Variants in TRAF2 observed in about 807,000 individuals in gnomAD.
The protein encoded by TRAF2 is TNF receptor-associated factor 2.
A neutral mutation model predicts 55.6 loss-of-function variants in TRAF2; 6 were observed. The observed-to-expected ratio is 0.11, with a 90% CI of 0.06 to 0.21. The LOEUF (loss-of-function observed/expected upper bound fraction) is 0.21. TRAF2 is among the 10% of genes least tolerant of loss of function. The probability of loss-of-function intolerance (pLI) is 1.00; values close to 1 mark genes in which losing one functional copy is unlikely to be tolerated. For synonymous variants in TRAF2, 329 were observed against 276.3 expected (o/e 1.19, Z -1.89); for missense variants, 561 against 684.5 (o/e 0.82, Z 2.01).
rs1849753195 is a variant in TRAF2 at position 136,899,036 on chromosome 9, T to C, written c.188+108T>C. 4 of 1,117,168 alleles carry C rather than the reference T, an allele frequency of 3.6e-6. No individual in the cohort carries two copies. In the African/African-American group the frequency reaches 4.7e-5, roughly 13 times the overall value. The allele number at this position is 1,117,168 out of a possible 1,614,324, so 69.2% of individuals were successfully genotyped here. A position where few individuals can be genotyped will look rare whatever the true frequency, so the allele number is the denominator to read the frequency against. The stretch of plus-strand genomic sequence containing the variant: ...AGCAGAGCCGGGTCCAGCTTAGATG[T>C]GCTCCAGTTATCGATACTCCCTGGA... On this transcript the variant is annotated intron_variant, in intron 2 of 10. Coordinates refer to ENST00000247668, the MANE Select transcript of TRAF2 (RefSeq NM_021138.4).
chr9:136,896,125 T>C (rs1008023950), intron 1 of TRAF2, among the ~76,000 whole-genome samples: 1 of 152,164 alleles, frequency 6.6e-6, no homozygotes, highest in African/African-American at 2.4e-5. Context: ...CCTCTCTAGC[T>C]GTCCCCAGTT....
chr9:136,894,360 T>C (rs955643277), intron 1 of TRAF2, among the ~76,000 whole-genome samples: 2 of 151,524 alleles, frequency 1.3e-5, no homozygotes, highest in African/African-American at 4.9e-5. Context: ...TGGCCCTTTT[T>C]CAGGGGTTTA....
chr9:136,900,608 C>T (rs1849797466), intron 4 of TRAF2, 88 bp downstream of exon 4: 2 of 1,057,536 alleles, frequency 1.9e-6, no homozygotes, highest in South Asian at 2.6e-5. Flanking sequence ...CCTTGTCCTG[C>T]ACGTTCCTCT....
upstream of TRAF2, among the ~76,000 whole-genome samples, chr9:136,884,534 T>C (rs181980398): frequency 0.017 from 2,566 of 149,508 alleles, 38 homozygotes; most frequent in Non-Finnish European, 0.026. Context: ...CACTCCAGCC[T>C]GGGTGACAGA....
chr9:136,889,026 A>G (rs1215196074), intron 1 of TRAF2, among the ~76,000 whole-genome samples: 1 of 151,268 alleles, frequency 6.6e-6, no homozygotes, highest in Non-Finnish European at 1.5e-5. Context: ...CACCACGCCC[A>G]GCTAATTTTT....
At chr9:136,905,664 T>G (rs569514874) in intron 4 of TRAF2, among the ~76,000 whole-genome samples, 1 of 152,218 alleles carries the variant, frequency 6.6e-6, no homozygotes, top group Non-Finnish European at 1.5e-5. Flanking sequence ...TCCATTCCCT[T>G]TCTCTGTTCC....
chr9:136,897,515 A>G (rs1392165982), intron 1 of TRAF2, among the ~76,000 whole-genome samples: 1 of 133,018 alleles, frequency 7.5e-6, no homozygotes, highest in Non-Finnish European at 1.6e-5. Flanking sequence ...TTCCTGCTCT[A>G]GGGGCTGGAG....
chr9:136,926,209 A>T lies in TRAF2; in HGVS notation c.*308A>T. On this transcript the variant is annotated 3_prime_UTR_variant, in exon 11 of 11. Coordinates refer to ENST00000247668, the MANE Select transcript of TRAF2 (RefSeq NM_021138.4). ...TTGCTGTCCTGTGCAGTGAAGGGAGAGGCCCTGGGTGGGGGACACTCAGAG... is the reference window on the plus strand; with the variant it reads ...TTGCTGTCCTGTGCAGTGAAGGGAGTGGCCCTGGGTGGGGGACACTCAGAG... The T allele has an allele frequency of 2.0e-6, 1 of 503,490 alleles. No individual in the cohort carries two copies. The highest frequency in any genetic ancestry group is 2.7e-5 in the Admixed American group (1 of 37,384). 31.2% of individuals were successfully genotyped at this position (503,490 alleles called of 1,614,324 possible).
upstream of TRAF2, among the ~76,000 whole-genome samples, chr9:136,882,247 C>A (rs984777468): frequency 1.3e-5 from 2 of 152,152 alleles, no homozygotes; most frequent in Non-Finnish European, 2.9e-5. Context: ...CTGCTGGGCA[C>A]AGAGGGCAGA....
At chr9:136,903,223 T>C (rs17243893) in intron 4 of TRAF2, among the ~76,000 whole-genome samples, 9,099 of 152,312 alleles carry the variant, frequency 0.06, 332 homozygotes, top group Middle Eastern at 0.15. Flanking sequence ...AGTGCTGAGA[T>C]TCCTGGCATA....
chr9:136,896,902 TC>T (rs1849692387), intron 1 of TRAF2, among the ~76,000 whole-genome samples: 1 of 152,136 alleles, frequency 6.6e-6, no homozygotes, highest in Non-Finnish European at 1.5e-5. Flanking sequence ...GAGTTGTAGT[TC>T]GTTGAGAGGG....
intron 1 of TRAF2, among the ~76,000 whole-genome samples, chr9:136,894,346 G>A (rs529551600): frequency 6.6e-6 from 1 of 151,740 alleles, no homozygotes; most frequent in Non-Finnish European, 1.5e-5. Flanking sequence ...CACCTGGCTG[G>A]TAGTGGCCCT....
intron 1 of TRAF2, among the ~76,000 whole-genome samples, chr9:136,888,441 G>T (rs1209337860): frequency 6.6e-6 from 1 of 152,054 alleles, no homozygotes; most frequent in Non-Finnish European, 1.5e-5. Flanking sequence ...AAAAAGAATC[G>T]GGTGCCACCC....
chr9:136,919,487 G>A (rs1420478642), intron 7 of TRAF2, among the ~76,000 whole-genome samples: 1 of 151,346 alleles, frequency 6.6e-6, no homozygotes, highest in Non-Finnish European at 1.5e-5. Flanking sequence ...TAGAGACAGG[G>A]TTTCTCCATG....
At position 136,896,455 on chromosome 9, in the gene TRAF2, G is replaced by GCTCC. The variant is rs550872278; in HGVS notation, c.-28-2257_-28-2254dup. On this transcript the variant is annotated intron_variant, in intron 1 of 10. Transcript: ENST00000247668. ...GCAGCTTCCTGTTGCTACTTGGGAAGCTCCATGTTTGCTGTCCGGTTGTGT... is the reference window on the plus strand; with the variant it reads ...GCAGCTTCCTGTTGCTACTTGGGAAGCTCCCTCCATGTTTGCTGTCCGGTTGTGT... Among the ~76,000 whole-genome samples, 21 of 152,332 alleles carry GCTCC rather than the reference G, an allele frequency of 1.4e-4. No individual in the cohort carries two copies. In the South Asian group the frequency reaches 4.3e-3, roughly 32 times the overall value.
chr9:136,912,556 C>A (rs980823967), intron 6 of TRAF2, among the ~76,000 whole-genome samples: 1 of 152,070 alleles, frequency 6.6e-6, no homozygotes, highest in Non-Finnish European at 1.5e-5. Flanking sequence ...ATTAAAAATA[C>A]CTACTGAGCA....
At chr9:136,896,773 T>A (rs918318004) in intron 1 of TRAF2, among the ~76,000 whole-genome samples, 3 of 152,078 alleles carry the variant, frequency 2.0e-5, no homozygotes, top group African/African-American at 7.2e-5. Context: ...CACGCCCGGC[T>A]AATTTTTTGT....
rs779694447 is a variant in TRAF2, at chr9:136,920,306, G to T, written c.751G>T (p.Val251Leu). 6.2e-7 allele frequency: 1 copy of T among 1,613,822 alleles called. No homozygotes were observed. The highest frequency in any genetic ancestry group is 8.5e-7 in the Non-Finnish European group (1 of 1,180,044). The change falls in exon 8 of 11, where the codon GTG (valine) becomes TTG (leucine). Residue 251 changes from valine to leucine, a missense_variant. Physicochemically the swap from Val to Leu is conservative, Grantham distance 32. Coordinates refer to ENST00000247668, the MANE Select transcript of TRAF2 (RefSeq NM_021138.4). Reference protein sequence around the residue: ...REHLAMLLSSVLEAKPLLGDQ... With the variant: ...REHLAMLLSSLLEAKPLLGDQ... ...GCACCTGGCCATGCTACTGAGCTCG[G>T]TGCTGGAGGCAAAGCCCCTCTTGGG...
At chr9:136,917,506 A>G (rs926815353) in intron 7 of TRAF2, among the ~76,000 whole-genome samples, 1 of 152,208 alleles carries the variant, frequency 6.6e-6, no homozygotes, top group Admixed American at 6.5e-5. Context: ...CCTTGAGGTC[A>G]GGACCCTCGA....
Sources: allele counts gnomAD v4.1 joint callset (sites outside exome capture counted in the v4.1 genomes callset), GRCh38; gene constraint gnomAD v4.1.1; transcripts MANE v1.5; gene names NCBI Gene and HGNC (gene_info 2026-07-23, HGNC 2026-07-21).